The following ZNF678 variants were observed in gnomAD, a reference collection of about 807,000 sequenced individuals.
The protein encoded by ZNF678 is zinc finger protein 678.
A neutral mutation model predicts 3.0 loss-of-function variants in ZNF678; 5 were observed. The ratio of observed to expected loss-of-function variants is 1.69; its 90% CI spans 0.88 to 3.56. The LOEUF is 3.56. Ranked by LOEUF, ZNF678 falls within the 30% of genes most tolerant of loss-of-function variation. The pLI is 0.00. For missense variants in ZNF678, 593 were observed against 605.0 expected, an observed-to-expected ratio of 0.98 and a Z score of 0.21; for synonymous variants, 218 against 199.6, an observed-to-expected ratio of 1.09 and a Z score of -0.78.
intron 1 of ZNF678, among the ~76,000 whole-genome samples, chr1:227,594,425 C>T (rs914722502): frequency 7.2e-5 from 11 of 152,166 alleles, no homozygotes; most frequent in East Asian, 1.9e-4. Context: ...CAGGTTGGTG[C>T]TTTAAGAAAA....
rs192856182 is a variant in ZNF678, at chr1:227,624,093, A to G, written c.-163-22451A>G. On this transcript the variant is annotated intron_variant, in intron 1 of 3. Coordinates refer to ENST00000343776, the MANE Select transcript of ZNF678 (RefSeq NM_001367909.1). ...AGAGATCACATGTATAGATACAGATACAGATTTAGGTAAAGGTATAGATAA... is the reference window on the plus strand; with the variant it reads ...AGAGATCACATGTATAGATACAGATGCAGATTTAGGTAAAGGTATAGATAA... 2.3e-3 allele frequency among the ~76,000 whole-genome samples: 343 copies of G among 152,358 alleles called. 1 individual carries two copies. Among genetic ancestry groups the G allele is most frequent in the Non-Finnish European group, 3.8e-3 (256 of 68,034 alleles).
At chr1:227,636,639 T>C (rs1047625897) in intron 1 of ZNF678, among the ~76,000 whole-genome samples, 5 of 152,288 alleles carry the variant, frequency 3.3e-5, no homozygotes, top group African/African-American at 9.6e-5. Context: ...CTCCTACCTT[T>C]AAGGATAGTT....
intron 1 of ZNF678, among the ~76,000 whole-genome samples, chr1:227,587,018 T>G (rs1050869933): frequency 1.3e-5 from 2 of 152,202 alleles, no homozygotes; most frequent in African/African-American, 4.8e-5. Flanking sequence ...AGTATTTGCT[T>G]TAACAGTGCA....
intron 5 of ZNF678, among the ~76,000 whole-genome samples, chr1:227,670,974 T>A (rs867724932): frequency 6.6e-5 from 10 of 152,074 alleles, no homozygotes; most frequent in Non-Finnish European, 1.0e-4. Flanking sequence ...TTTATTTTTT[T>A]TTTTTTTATG....
rs1299420965 is a variant in ZNF678, at chr1:227,563,728, A to C, written c.-164+4A>C. The C allele has an allele frequency of 7.6e-7, 1 of 1,323,984 alleles. No individual in the cohort carries two copies. The highest frequency in any genetic ancestry group is 5.0e-5 in the East Asian group (1 of 19,916). 82.0% of individuals were successfully genotyped at this position (1,323,984 alleles called of 1,614,324 possible). A position where few individuals can be genotyped will look rare whatever the true frequency, so the allele number is the denominator to read the frequency against. ...ACACCCCGAAAGCCGGAAAACGGTGAGAGTTCCCGGGAGGGTGTTCCAAGA... is the reference window on the plus strand; with the variant it reads ...ACACCCCGAAAGCCGGAAAACGGTGCGAGTTCCCGGGAGGGTGTTCCAAGA... On this transcript the variant is annotated splice_donor_region_variant and intron_variant, in intron 1 of 3. Transcript: ENST00000343776.
chr1:227,566,379 C>T (rs1656685742), intron 1 of ZNF678, among the ~76,000 whole-genome samples: 1 of 152,216 alleles, frequency 6.6e-6, no homozygotes, highest in Non-Finnish European at 1.5e-5. Flanking sequence ...CCTCTGGATT[C>T]TCAGACTTGT....
intron 1 of ZNF678, among the ~76,000 whole-genome samples, chr1:227,629,825 A>G (rs1468570148): frequency 6.6e-6 from 1 of 152,100 alleles, no homozygotes; most frequent in African/African-American, 2.4e-5. Context: ...AATCTTTTTA[A>G]TATGTCCTTG....
At chr1:227,679,633 C>T (rs748400183), downstream of ZNF678, among the ~76,000 whole-genome samples, 7 of 151,912 alleles carry the variant, frequency 4.6e-5, no homozygotes, top group East Asian at 7.7e-4. Context: ...GGAGACTTGC[C>T]GATGCTCCCA....
chr1:227,620,390 C>T (rs1190106270), intron 1 of ZNF678, among the ~76,000 whole-genome samples: 1 of 151,942 alleles, frequency 6.6e-6, no homozygotes, highest in East Asian at 1.9e-4. Context: ...TGTGTGTTGC[C>T]TTCGTCTTTT....
chr1:227,603,482 A>C (rs1009138441), intron 1 of ZNF678, among the ~76,000 whole-genome samples: 3 of 152,136 alleles, frequency 2.0e-5, no homozygotes, highest in African/African-American at 7.2e-5. Flanking sequence ...GACTTGGGAC[A>C]GTGTACTTGG....
chr1:227,668,663 G>C (rs1187430753), intron 5 of ZNF678, among the ~76,000 whole-genome samples: 1 of 152,176 alleles, frequency 6.6e-6, no homozygotes, highest in African/African-American at 2.4e-5. Flanking sequence ...TCACACACTT[G>C]ACTGTGTTCA....
chr1:227,611,914 G>T (rs1399414416), intron 1 of ZNF678, among the ~76,000 whole-genome samples: 1 of 152,198 alleles, frequency 6.6e-6, no homozygotes, highest in Non-Finnish European at 1.5e-5. Context: ...AGCATCTCTT[G>T]TCAAATGGAA....
chr1:227,605,271 C>G (rs535699211), intron 1 of ZNF678, among the ~76,000 whole-genome samples: 47 of 152,248 alleles, frequency 3.1e-4, no homozygotes, highest in African/African-American at 1.1e-3. Context: ...TACAGAAATA[C>G]AGTTAATATT....
At chr1:227,652,578 C>A (rs991538328) in intron 3 of ZNF678, among the ~76,000 whole-genome samples, 2 of 151,896 alleles carry the variant, frequency 1.3e-5, no homozygotes, top group African/African-American at 4.8e-5. Context: ...TTTGTGGTTA[C>A]CATGAGAATC....
intron 1 of ZNF678, among the ~76,000 whole-genome samples, chr1:227,630,113 T>C (rs1259325200): frequency 6.6e-6 from 1 of 152,208 alleles, no homozygotes; most frequent in Non-Finnish European, 1.5e-5. Flanking sequence ...GATAAACTTA[T>C]CCTTTAAGAT....
At position 227,602,829 on chromosome 1, in the gene ZNF678, A is replaced by T. The variant is rs376364898; in HGVS notation, c.-164+39105A>T. Among the ~76,000 whole-genome samples the T allele has an allele frequency of 5.9e-5, 9 of 152,330 alleles. No homozygotes were observed. The East Asian group carries it at 1.5e-3, about 26-fold the overall frequency. The stretch of plus-strand genomic sequence containing the variant: ...TGGCTGAATAGTACTTGTTGGTTAC[A>T]CTTTAAAGAATGCTTTTTGATCCAG... On this transcript the variant is annotated intron_variant, in intron 1 of 3. Transcript: ENST00000343776.
chr1:227,648,811 G>T (rs1372021058), intron 2 of ZNF678, among the ~76,000 whole-genome samples: 2 of 151,286 alleles, frequency 1.3e-5, no homozygotes, highest in Non-Finnish European at 2.9e-5. Context: ...CATCCTGGGT[G>T]ACAGAGCGAG....
chr1:227,601,720 A>G (rs1330985790), intron 1 of ZNF678, among the ~76,000 whole-genome samples: 1 of 152,012 alleles, frequency 6.6e-6, no homozygotes, highest in Non-Finnish European at 1.5e-5. Context: ...ATGTGCCAAC[A>G]CGCCTGGCTA....
At chr1:227,649,530 A>G (rs1659041745) in intron 2 of ZNF678, among the ~76,000 whole-genome samples, 1 of 152,168 alleles carries the variant, frequency 6.6e-6, no homozygotes, top group Non-Finnish European at 1.5e-5. Flanking sequence ...TTGTATTTTT[A>G]GAAGAGACGA....
Sources: allele counts gnomAD v4.1 joint callset (sites outside exome capture counted in the v4.1 genomes callset), GRCh38; gene constraint gnomAD v4.1.1; transcripts MANE v1.5; gene names NCBI Gene and HGNC (gene_info 2026-07-23, HGNC 2026-07-21).